GRIA2: variants seen among roughly 807,000 people sequenced by gnomAD.
GRIA2 encodes glutamate ionotropic receptor AMPA type subunit 2, also known as glutamate receptor 2.
Under a neutral mutation model 97.3 loss-of-function variants are expected in GRIA2, and 14 were observed. The ratio of observed to expected loss-of-function variants is 0.14; its 90% CI spans 0.10 to 0.23. GRIA2 has a LOEUF of 0.23. GRIA2 is among the 10% of genes least tolerant of loss of function. The pLI is 1.00. For missense variants in GRIA2, 558 were observed against 1,069.8 expected (o/e 0.52, Z 6.67); for synonymous variants, 412 against 387.8 (o/e 1.06, Z -0.73).
At chr4:157,298,565 A>G (rs1283190401) in intron 2 of GRIA2, among the ~76,000 whole-genome samples, 2 of 149,726 alleles carry the variant, frequency 1.3e-5, no homozygotes. Flanking sequence ...AGAAGTTTCC[A>G]TATAATGAAC....
chr4:157,235,727 T>G (rs2126704078), intron 2 of GRIA2, among the ~76,000 whole-genome samples: 1 of 152,206 alleles, frequency 6.6e-6, no homozygotes, highest in Admixed American at 6.5e-5. Flanking sequence ...ATTTATATTT[T>G]ATTTTGCATA....
chr4:157,362,919 G>A lies in GRIA2; in HGVS notation c.2527G>A (p.Ala843Thr). ...GTTCTGTTACAAGTCAAGGGCCGAG[G>A]CGAAACGAATGAAGGTGGCAAAGAA... ...IEFCYKSRAEAKRMKVAKNAQ... is the reference protein window; with the variant it reads ...IEFCYKSRAETKRMKVAKNAQ... Residue 843 changes from alanine to threonine, a missense_variant, in exon 15 of 16, where the codon GCG becomes ACG. Physicochemically the swap from Ala to Thr is moderately conservative, Grantham distance 58 (BLOSUM62 0). Coordinates refer to ENST00000264426, the MANE Select transcript of GRIA2 (RefSeq NM_001083619.3). 6.2e-7 allele frequency: 1 copy of A among 1,613,638 alleles called. No homozygotes were observed.
At chr4:157,306,287 G>A (rs1733839775) in intron 3 of GRIA2, among the ~76,000 whole-genome samples, 1 of 152,134 alleles carries the variant, frequency 6.6e-6, no homozygotes. Context: ...TCTAGTGTGT[G>A]AGGAGAGATA....
At chr4:157,347,048 A>G (rs1458841593) in intron 12 of GRIA2, among the ~76,000 whole-genome samples, 1 of 152,148 alleles carries the variant, frequency 6.6e-6, no homozygotes, top group Non-Finnish European at 1.5e-5. Flanking sequence ...GGTTAACAAT[A>G]CAGGAAGGGT....
intron 4 of GRIA2, among the ~76,000 whole-genome samples, chr4:157,314,657 A>C (rs1734230498): frequency 6.6e-6 from 1 of 152,216 alleles, no homozygotes; most frequent in African/African-American, 2.4e-5. Flanking sequence ...AAGACTATAT[A>C]AAAATATATT....
At chr4:157,247,277 C>T (rs1415740951) in intron 2 of GRIA2, among the ~76,000 whole-genome samples, 1 of 152,130 alleles carries the variant, frequency 6.6e-6, no homozygotes, top group Non-Finnish European at 1.5e-5. Context: ...AAATTCACAA[C>T]AGATTTGAAG....
intron 2 of GRIA2, among the ~76,000 whole-genome samples, chr4:157,298,567 A>G (rs1733461808): frequency 6.7e-6 from 1 of 148,502 alleles, no homozygotes; most frequent in Admixed American, 6.7e-5. Flanking sequence ...AAGTTTCCAT[A>G]TAATGAACTG....
chr4:157,337,604 C>T (rs189797451), intron 11 of GRIA2, among the ~76,000 whole-genome samples: 4 of 151,972 alleles, frequency 2.6e-5, no homozygotes, highest in Non-Finnish European at 4.4e-5. Context: ...TACCCTTCTT[C>T]GATTTTACAG....
chr4:157,240,456 T>C (rs1278848285), intron 2 of GRIA2, among the ~76,000 whole-genome samples: 1 of 152,108 alleles, frequency 6.6e-6, no homozygotes, highest in Non-Finnish European at 1.5e-5. Flanking sequence ...AACTTTATCT[T>C]ACATTTTATT....
intron 2 of GRIA2, among the ~76,000 whole-genome samples, chr4:157,262,432 A>C (rs924876709): frequency 6.6e-6 from 1 of 151,978 alleles, no homozygotes. Flanking sequence ...TATTGGGCCA[A>C]TCTTAATAAC....
chr4:157,305,969 C>T (rs545002970), intron 3 of GRIA2, among the ~76,000 whole-genome samples: 1 of 152,160 alleles, frequency 6.6e-6, no homozygotes. Flanking sequence ...GTACCCAGTG[C>T]TTCAGATAAT....
intron 2 of GRIA2, among the ~76,000 whole-genome samples, chr4:157,224,020 T>C (rs138027237): frequency 1.4e-4 from 22 of 152,302 alleles, no homozygotes; most frequent in Admixed American, 8.5e-4. Flanking sequence ...TAAACACATA[T>C]GTAAATTCAT....
intron 3 of GRIA2, among the ~76,000 whole-genome samples, chr4:157,307,541 A>G (rs1392514820): frequency 6.6e-6 from 1 of 152,206 alleles, no homozygotes; most frequent in Non-Finnish European, 1.5e-5. Flanking sequence ...ACTGCATATC[A>G]TCACTCCATA....
chr4:157,278,244 C>T (rs1732436637), intron 2 of GRIA2, among the ~76,000 whole-genome samples: 1 of 151,680 alleles, frequency 6.6e-6, no homozygotes, highest in East Asian at 1.9e-4. Context: ...TTACAGTAAT[C>T]AAGACAGAGT....
chr4:157,360,567 C>T (rs1449695631), intron 13 of GRIA2: 1 of 399,780 alleles, frequency 2.5e-6, no homozygotes, highest in African/African-American at 2.1e-5. Flanking sequence ...AGAAATATGC[C>T]ACTTTTTAAT....
At chr4:157,358,700 T>C (rs1351452724) in intron 12 of GRIA2, among the ~76,000 whole-genome samples, 3 of 152,112 alleles carry the variant, frequency 2.0e-5, no homozygotes, top group Non-Finnish European at 4.4e-5. Flanking sequence ...ATCTCTGTTA[T>C]GCTATCATAA....
chr4:157,341,996 T>C (rs1172244155), intron 12 of GRIA2: 1 of 236,628 alleles, frequency 4.2e-6, no homozygotes, highest in African/African-American at 2.3e-5. Flanking sequence ...AGTATATTTA[T>C]ACTGTGTCTA....
At chr4:157,321,116 A>G (rs1313782553) in intron 5 of GRIA2, among the ~76,000 whole-genome samples, 1 of 152,150 alleles carries the variant, frequency 6.6e-6, no homozygotes, top group Non-Finnish European at 1.5e-5. Context: ...GCTGTAGACC[A>G]AGTAAGTAAA....
chr4:157,267,834 G>A (rs1040648164), intron 2 of GRIA2, among the ~76,000 whole-genome samples: 6 of 152,010 alleles, frequency 3.9e-5, no homozygotes, highest in Middle Eastern at 3.2e-3. Context: ...TTTTAGGACT[G>A]AAATTGAAAC....
Sources: allele counts gnomAD v4.1 joint callset (sites outside exome capture counted in the v4.1 genomes callset), GRCh38; gene constraint gnomAD v4.1.1; transcripts MANE v1.5; gene names NCBI Gene and HGNC (gene_info 2026-07-23, HGNC 2026-07-21).